Variants in DPYSL3 observed in about 807,000 individuals in gnomAD.
DPYSL3 encodes dihydropyrimidinase like 3.
DPYSL3 carries 16 observed loss-of-function variants against 66.1 expected under a neutral mutation model. The observed-to-expected ratio is 0.24, with a 90% CI of 0.16 to 0.37. DPYSL3 has a LOEUF of 0.37. Among genes scored for constraint, DPYSL3 ranks in the 10% least tolerant of loss-of-function variants. The probability of loss-of-function intolerance (pLI) is 1.00; values close to 1 mark genes in which losing one functional copy is unlikely to be tolerated. For synonymous variants in DPYSL3, 338 were observed against 345.1 expected, an observed-to-expected ratio of 0.98 and a Z score of 0.23; for missense variants, 738 against 916.2, an observed-to-expected ratio of 0.81 and a Z score of 2.51.
chr5:147,489,008 T>G (rs1753376003), intron 1 of DPYSL3, among the ~76,000 whole-genome samples: 1 of 150,864 alleles, frequency 6.6e-6, no homozygotes, highest in Non-Finnish European at 1.5e-5. Context: ...AGAGTGAGAC[T>G]TCATCTAAAA....
Position 147,509,164 on chromosome 5 carries a change from C to T in DPYSL3, c.381+314G>A, listed in dbSNP as rs1753721641. ...AAGAGCTGGAAATCACTAAGCCTTC[C>T]CGGGCTGACACACCCACCCAGACCG... On this transcript the variant is annotated intron_variant, in intron 1 of 13. Transcript: ENST00000343218. This position sits in a 1 kb window ranked among gnomAD's most constrained non-coding sequence, Gnocchi z 5.3. Among the ~76,000 whole-genome samples, 1 of 152,188 alleles carries T rather than the reference C, an allele frequency of 6.6e-6. No individual in the cohort carries two copies.
At chr5:147,402,087 T>C in intron 8 of DPYSL3, 1 of 169,608 alleles carries the variant, frequency 5.9e-6, no homozygotes, top group Non-Finnish European at 1.2e-5. Flanking sequence ...AGATATATTC[T>C]GAAATTGATG....
intron 1 of DPYSL3, among the ~76,000 whole-genome samples, chr5:147,469,718 G>C (rs1753057442): frequency 6.6e-6 from 1 of 152,004 alleles, no homozygotes; most frequent in South Asian, 2.1e-4. Flanking sequence ...ATTCTCAAAG[G>C]GTGTATGACC....
chr5:147,490,639 A>T (rs1184432240), intron 1 of DPYSL3, among the ~76,000 whole-genome samples: 1 of 152,220 alleles, frequency 6.6e-6, no homozygotes, highest in African/African-American at 2.4e-5. Context: ...AAAAATCAAT[A>T]GCTTTTCTTA....
Position 147,490,431 on chromosome 5 carries a change from A to G in DPYSL3, c.381+19047T>C, listed in dbSNP as rs554784754. ...ATAAATGTCCTATTAAAAGAAATGT[A>G]TAATTAAATATGTGACATATCAAAA... On this transcript the variant is annotated intron_variant, in intron 1 of 13. Coordinates refer to ENST00000343218, the MANE Select transcript of DPYSL3 (RefSeq NM_001197294.2). 2.0e-5 allele frequency among the ~76,000 whole-genome samples: 3 copies of G among 152,346 alleles called. No homozygotes were observed. In the South Asian group the frequency reaches 6.2e-4, roughly 32 times the overall value.
intron 7 of DPYSL3, chr5:147,406,182 C>T (rs998779125): frequency 6.5e-6 from 1 of 152,754 alleles, no homozygotes; most frequent in Non-Finnish European, 1.5e-5. Context: ...AGTAAGTGGT[C>T]AGCAAAGGGT....
At chr5:147,453,658 C>A in intron 1 of DPYSL3, 1 of 1,485,370 alleles carries the variant, frequency 6.7e-7, no homozygotes, top group Non-Finnish European at 9.0e-7. Flanking sequence ...GCGCCTTCCT[C>A]AGCGCACAGC....
chr5:147,486,573 C>T lies in DPYSL3; in HGVS notation c.381+22905G>A, dbSNP rs571607736. ...TCTCCCTCCTCTGGACTGAAAGGGGCCAGTCAGTGCCCTTCTGAGCACTCA... is the reference window on the plus strand; with the variant it reads ...TCTCCCTCCTCTGGACTGAAAGGGGTCAGTCAGTGCCCTTCTGAGCACTCA... On this transcript the variant is annotated intron_variant, in intron 1 of 13. Transcript: ENST00000343218. Among the ~76,000 whole-genome samples, 260 of 152,270 alleles carry T rather than the reference C, an allele frequency of 1.7e-3. 3 individuals carry two copies. Among genetic ancestry groups the T allele is most frequent in the African/African-American group, 5.7e-3 (235 of 41,564 alleles).
chr5:147,407,855 G>A (rs1751741138), intron 7 of DPYSL3, among the ~76,000 whole-genome samples: 1 of 152,090 alleles, frequency 6.6e-6, no homozygotes, highest in Non-Finnish European at 1.5e-5. Flanking sequence ...CCTTCTATGG[G>A]TGCTAGTTAT....
intron 2 of DPYSL3, among the ~76,000 whole-genome samples, chr5:147,424,012 G>A (rs1001339651): frequency 3.3e-5 from 5 of 152,118 alleles, no homozygotes; most frequent in African/African-American, 4.8e-5. Context: ...AATTACAGCC[G>A]CCATGCCCGG....
intron 2 of DPYSL3, among the ~76,000 whole-genome samples, chr5:147,423,662 T>C (rs1232944747): frequency 5.3e-5 from 8 of 151,972 alleles, no homozygotes; most frequent in African/African-American, 1.7e-4. Flanking sequence ...ACTAACAGTG[T>C]CAGAATTGCT....
intron 1 of DPYSL3, among the ~76,000 whole-genome samples, chr5:147,496,604 T>C (rs530454513): frequency 0.035 from 5,248 of 151,348 alleles, 302 homozygotes; most frequent in African/African-American, 0.12. Flanking sequence ...TGAACAGACA[T>C]TTCTCAAAAG....
chr5:147,491,209 C>G (rs1753410009), intron 1 of DPYSL3, among the ~76,000 whole-genome samples: 1 of 152,166 alleles, frequency 6.6e-6, no homozygotes, highest in African/African-American at 2.4e-5. Flanking sequence ...AAGGTGCCAG[C>G]ACAATACTGA....
chr5:147,476,834 C>T (rs1228800927), intron 1 of DPYSL3, among the ~76,000 whole-genome samples: 2 of 152,076 alleles, frequency 1.3e-5, no homozygotes, highest in African/African-American at 4.8e-5. Context: ...GAAATATTAA[C>T]ATGAACAATG....
At chr5:147,453,494 G>A in intron 1 of DPYSL3, 2 of 1,507,096 alleles carry the variant, frequency 1.3e-6, no homozygotes, top group African/African-American at 1.4e-5. Context: ...CCCGCCCGCA[G>A]CGCAGCGGAC....
chr5:147,503,228 GA>G, intron 1 of DPYSL3, among the ~76,000 whole-genome samples: 1 of 152,270 alleles, frequency 6.6e-6, no homozygotes, highest in African/African-American at 2.4e-5. Context: ...TGGGATAAAG[GA>G]AAACAACCAT....
chr5:147,484,932 C>T (rs1483291496), intron 1 of DPYSL3, among the ~76,000 whole-genome samples: 1 of 152,190 alleles, frequency 6.6e-6, no homozygotes, highest in East Asian at 1.9e-4. Context: ...CACAAAACCC[C>T]TCCATTTAGA....
intron 1 of DPYSL3, among the ~76,000 whole-genome samples, chr5:147,480,703 A>ATAT (rs10665228): frequency 0.15 from 21,326 of 142,304 alleles, 1,921 homozygotes; most frequent in East Asian, 0.39. Context: ...GAATATATAT[A>ATAT]TATTATTATT....
At chr5:147,459,219 C>T (rs1340671092) in intron 1 of DPYSL3, among the ~76,000 whole-genome samples, 3 of 151,948 alleles carry the variant, frequency 2.0e-5, no homozygotes, top group Non-Finnish European at 2.9e-5. Flanking sequence ...ATATTTTTTA[C>T]TTTCTAAAAA....
Sources: allele counts gnomAD v4.1 joint callset (sites outside exome capture counted in the v4.1 genomes callset), GRCh38; gene constraint gnomAD v4.1.1; non-coding constraint Gnocchi (gnomAD v3.1); transcripts MANE v1.5; gene names NCBI Gene and HGNC (gene_info 2026-07-23, HGNC 2026-07-21).